GPC6: variants seen among roughly 807,000 people sequenced by gnomAD.
The protein encoded by GPC6 is glypican-6.
GPC6 carries 14 observed loss-of-function variants against 55.2 expected under a neutral mutation model. That is an observed-to-expected ratio of 0.25 (90% confidence interval 0.17 to 0.40). The LOEUF (loss-of-function observed/expected upper bound fraction) is 0.40, where lower values mean the gene tolerates loss of function less well. Ranked by LOEUF, GPC6 falls within the 10% of genes least tolerant of loss-of-function variation. The pLI is 1.00. For missense variants in GPC6, 641 were observed against 708.5 expected (o/e 0.90, Z 1.08); for synonymous variants, 278 against 259.6 (o/e 1.07, Z -0.68).
chr13:94,114,300 G>A (rs1886355700), intron 4 of GPC6, among the ~76,000 whole-genome samples: 1 of 152,052 alleles, frequency 6.6e-6, no homozygotes, highest in South Asian at 2.1e-4. Context: ...AGGACAAAAA[G>A]ATGTCTTAAA....
intron 2 of GPC6, among the ~76,000 whole-genome samples, chr13:93,704,879 G>T (rs1882793229): frequency 1.3e-5 from 2 of 151,946 alleles, no homozygotes; most frequent in Non-Finnish European, 1.5e-5. Context: ...ATGCTGGATG[G>T]CATGATCTGA....
intron 4 of GPC6, among the ~76,000 whole-genome samples, chr13:94,060,485 T>C (rs1162313664): frequency 6.6e-6 from 1 of 152,160 alleles, no homozygotes; most frequent in Non-Finnish European, 1.5e-5. Flanking sequence ...CTCTTAATTG[T>C]TCATTTCACT....
At chr13:94,092,793 C>A (rs976686323) in intron 4 of GPC6, among the ~76,000 whole-genome samples, 4 of 152,064 alleles carry the variant, frequency 2.6e-5, no homozygotes, top group Non-Finnish European at 4.4e-5. Context: ...CCAACCTCAT[C>A]TTTTGTCTTT....
At chr13:93,870,308 T>G (rs1477708390) in intron 3 of GPC6, among the ~76,000 whole-genome samples, 3 of 151,878 alleles carry the variant, frequency 2.0e-5, no homozygotes, top group Non-Finnish European at 2.9e-5. Context: ...GTGCTCATCA[T>G]TCTTCTTGCT....
chr13:93,949,400 A>G (rs1879151794), intron 3 of GPC6, among the ~76,000 whole-genome samples: 1 of 152,222 alleles, frequency 6.6e-6, no homozygotes, highest in Non-Finnish European at 1.5e-5. Flanking sequence ...GTGTTTAATT[A>G]TGGTTGATAG....
chr13:93,317,430 G>A (rs539245642), intron 1 of GPC6, among the ~76,000 whole-genome samples: 7 of 152,234 alleles, frequency 4.6e-5, no homozygotes, highest in Non-Finnish European at 7.4e-5. Context: ...GCTTCAGGTT[G>A]CCTTAGTTTG....
chr13:93,985,940 G>T (rs929246665), intron 3 of GPC6, among the ~76,000 whole-genome samples: 16 of 151,930 alleles, frequency 1.1e-4, no homozygotes, highest in Non-Finnish European at 4.4e-5. Context: ...AGTTACTGTT[G>T]TTTCTTTTTC....
At chr13:93,615,329 A>T (rs1878665913) in intron 2 of GPC6, among the ~76,000 whole-genome samples, 2 of 152,184 alleles carry the variant, frequency 1.3e-5, no homozygotes, top group African/African-American at 4.8e-5. Flanking sequence ...TTATAAAATT[A>T]CTTGATCCTA....
intron 1 of GPC6, among the ~76,000 whole-genome samples, chr13:93,309,573 A>C (rs765503724): frequency 3.3e-5 from 5 of 152,206 alleles, no homozygotes; most frequent in Non-Finnish European, 7.4e-5. Context: ...TAATTGGTAG[A>C]GGCAGTTTAA....
At chr13:93,524,923 G>A (rs935890807) in intron 1 of GPC6, among the ~76,000 whole-genome samples, 2 of 152,070 alleles carry the variant, frequency 1.3e-5, no homozygotes, top group African/African-American at 4.8e-5. Context: ...TAATTCTGCG[G>A]GAGATCTTCT....
intron 3 of GPC6, among the ~76,000 whole-genome samples, chr13:93,974,291 A>G (rs758033167): frequency 6.6e-6 from 1 of 152,234 alleles, no homozygotes; most frequent in Non-Finnish European, 1.5e-5. Context: ...TGATTAAAAA[A>G]TAATACCCAT....
intron 1 of GPC6, among the ~76,000 whole-genome samples, chr13:93,378,508 T>C (rs1009666118): frequency 5.9e-5 from 9 of 152,202 alleles, no homozygotes; most frequent in African/African-American, 1.2e-4. Context: ...CTAAGGCACT[T>C]TGTACATGGT....
intron 2 of GPC6, among the ~76,000 whole-genome samples, chr13:93,825,556 A>G (rs951579102): frequency 6.6e-6 from 1 of 152,202 alleles, no homozygotes; most frequent in East Asian, 1.9e-4. Context: ...CCTCCCTCAC[A>G]GTCTAATGCA....
At chr13:93,905,008 A>T (rs903561443) in intron 3 of GPC6, among the ~76,000 whole-genome samples, 1 of 139,882 alleles carries the variant, frequency 7.1e-6, no homozygotes, top group Admixed American at 7.7e-5. Context: ...TTCCCACCTA[A>T]GAGTGAGAAT....
intron 2 of GPC6, among the ~76,000 whole-genome samples, chr13:93,672,243 A>G (rs1374803716): frequency 1.3e-5 from 2 of 149,874 alleles, no homozygotes; most frequent in Non-Finnish European, 1.5e-5. Context: ...ATATATGTAT[A>G]TATATGTTGA....
At chr13:93,919,933 C>T (rs1594588248) in intron 3 of GPC6, among the ~76,000 whole-genome samples, 1 of 152,218 alleles carries the variant, frequency 6.6e-6, no homozygotes, top group African/African-American at 2.4e-5. Context: ...GACACGCACT[C>T]ACTCCACAAA....
chr13:93,720,808 T>A (rs1883429994), intron 2 of GPC6, among the ~76,000 whole-genome samples: 1 of 152,108 alleles, frequency 6.6e-6, no homozygotes, highest in Non-Finnish European at 1.5e-5. Context: ...TATTTCGGCC[T>A]TAATTTCATT....
At chr13:93,437,474 T>C (rs1877616017) in intron 1 of GPC6, among the ~76,000 whole-genome samples, 1 of 152,188 alleles carries the variant, frequency 6.6e-6, no homozygotes, top group African/African-American at 2.4e-5. Context: ...ACACACATGA[T>C]AAGAAAGTGA....
chr13:93,981,111 A>AT (rs1358333461), intron 3 of GPC6, among the ~76,000 whole-genome samples: 1 of 152,130 alleles, frequency 6.6e-6, no homozygotes. Flanking sequence ...AGATATCTGA[A>AT]TTTTTTTATG....
Sources: gnomAD v4.1 joint callset for allele counts (sites outside exome capture counted in the v4.1 genomes callset) on GRCh38, gnomAD v4.1.1 for gene constraint, MANE v1.5 for transcripts, NCBI Gene and HGNC (gene_info 2026-07-23, HGNC 2026-07-21) for gene names.